MATCAP2: variants seen among roughly 807,000 people sequenced by gnomAD.
MATCAP2 encodes the protein microtubule associated tyrosine carboxypeptidase 2, also known as putative tyrosine carboxypeptidase MATCAP2.
the MATCAP2 span, among the ~76,000 whole-genome samples, chr7:36,340,323 T>G: frequency 6.6e-6 from 1 of 152,226 alleles, no homozygotes; most frequent in South Asian, 2.1e-4. Flanking sequence ...TAAATACACG[T>G]GTTCCTTGTT....
chr7:36,330,418 GA>G, the MATCAP2 span, among the ~76,000 whole-genome samples: 2 of 151,376 alleles, frequency 1.3e-5, no homozygotes, highest in East Asian at 3.9e-4. Context: ...ACAATGTCAT[GA>G]AAAAAAACAG....
chr7:36,381,932 A>G, the MATCAP2 span, among the ~76,000 whole-genome samples: 1 of 152,170 alleles, frequency 6.6e-6, no homozygotes, highest in East Asian at 1.9e-4. Context: ...TGTTTAGAAG[A>G]TCACTAAATT....
At chr7:36,360,671 T>G in the MATCAP2 span, among the ~76,000 whole-genome samples, 2 of 152,170 alleles carry the variant, frequency 1.3e-5, no homozygotes, top group East Asian at 1.9e-4. Flanking sequence ...AAAAGTATCA[T>G]AGAACCTAAG....
At chr7:36,357,892 G>A in the MATCAP2 span, among the ~76,000 whole-genome samples, 2 of 152,098 alleles carry the variant, frequency 1.3e-5, no homozygotes, top group Admixed American at 1.3e-4. Context: ...CTGAATACTT[G>A]ATTCTACAAA....
chr7:36,358,307 T>A, the MATCAP2 span, among the ~76,000 whole-genome samples: 1 of 152,092 alleles, frequency 6.6e-6, no homozygotes, highest in African/African-American at 2.4e-5. Context: ...TCTTGAAATT[T>A]GGAAATATAT....
chr7:36,359,713 G>A, the MATCAP2 span, among the ~76,000 whole-genome samples: 1 of 152,120 alleles, frequency 6.6e-6, no homozygotes, highest in Non-Finnish European at 1.5e-5. Context: ...TAAACAAAAC[G>A]TTCATCATAG....
At chr7:36,334,272 C>A in the MATCAP2 span, 1 of 885,228 alleles carries the variant, frequency 1.1e-6, no homozygotes, top group Non-Finnish European at 1.7e-6. Context: ...CGCGGTGGCT[C>A]ATGCCTGTAA....
At chr7:36,390,064 C>G in the MATCAP2 span, 1 of 1,613,460 alleles carries the variant, frequency 6.2e-7, no homozygotes, top group South Asian at 1.1e-5. Context: ...TTTGCGGGTG[C>G]AGCCAGCCAT....
At chr7:36,376,926 AT>A in the MATCAP2 span, among the ~76,000 whole-genome samples, 28 of 149,800 alleles carry the variant, frequency 1.9e-4, no homozygotes, top group Non-Finnish European at 3.1e-4. Flanking sequence ...CTGCTTTTTT[AT>A]TTTTTTTATT....
At chr7:36,371,653 G>C in the MATCAP2 span, among the ~76,000 whole-genome samples, 1 of 152,166 alleles carries the variant, frequency 6.6e-6, no homozygotes, top group African/African-American at 2.4e-5. Context: ...GGGGATAGAG[G>C]CTAGTAAAGA....
chr7:36,336,911 A>G, the MATCAP2 span, among the ~76,000 whole-genome samples: 2 of 151,768 alleles, frequency 1.3e-5, no homozygotes, highest in Non-Finnish European at 2.9e-5. Flanking sequence ...CCTGGTCCAC[A>G]TGGTGAAACC....
At chr7:36,337,152 C>G in the MATCAP2 span, among the ~76,000 whole-genome samples, 5 of 130,588 alleles carry the variant, frequency 3.8e-5, no homozygotes, top group African/African-American at 5.6e-5. Context: ...AACAATCTAT[C>G]TATTTTCCTG....
the MATCAP2 span, among the ~76,000 whole-genome samples, chr7:36,332,759 C>T: frequency 6.6e-6 from 1 of 152,184 alleles, no homozygotes; most frequent in Non-Finnish European, 1.5e-5. Context: ...GAAATCCCGT[C>T]CCTACTAAAA....
the MATCAP2 span, among the ~76,000 whole-genome samples, chr7:36,378,036 A>G: frequency 6.6e-6 from 1 of 152,124 alleles, no homozygotes; most frequent in Non-Finnish European, 1.5e-5. Context: ...CTTCCTTGCA[A>G]TGGGTTCGAA....
At chr7:36,361,542 CA>C in the MATCAP2 span, among the ~76,000 whole-genome samples, 2 of 152,098 alleles carry the variant, frequency 1.3e-5, no homozygotes, top group Admixed American at 6.5e-5. Context: ...CAAAACAAAA[CA>C]AAATAATCCC....
the MATCAP2 span, chr7:36,326,659 A>C: frequency 9.3e-7 from 1 of 1,076,914 alleles, no homozygotes; most frequent in Non-Finnish European, 1.3e-6. Context: ...CAGAAAACAC[A>C]AGTAGTCTTT....
At chr7:36,371,197 C>T in the MATCAP2 span, among the ~76,000 whole-genome samples, 1 of 151,952 alleles carries the variant, frequency 6.6e-6, no homozygotes, top group East Asian at 1.9e-4. Context: ...CTTCAACCTC[C>T]CAGGCTCAGG....
At chr7:36,389,560 G>C in the MATCAP2 span, among the ~76,000 whole-genome samples, 25 of 152,300 alleles carry the variant, frequency 1.6e-4, no homozygotes, top group African/African-American at 5.8e-4. Flanking sequence ...AGGAAGGCGG[G>C]AACACCCAAA....
chr7:36,386,145 A>G, the MATCAP2 span, among the ~76,000 whole-genome samples: 1 of 151,750 alleles, frequency 6.6e-6, no homozygotes, highest in Non-Finnish European at 1.5e-5. Flanking sequence ...AAAGAGCGAG[A>G]CCCTGTCTCG....
Sources: gnomAD v4.1 joint callset for allele counts (sites outside exome capture counted in the v4.1 genomes callset) on GRCh38, gnomAD v4.1.1 for gene constraint, MANE v1.5 for transcripts, NCBI Gene and HGNC (gene_info 2026-07-23, HGNC 2026-07-21) for gene names.